SRD5A3: variants seen among roughly 807,000 people sequenced by gnomAD.
The protein encoded by SRD5A3 is steroid 5 alpha-reductase 3, also known as polyprenal reductase.
A neutral mutation model predicts 34.3 loss-of-function variants in SRD5A3; 24 were observed. The ratio of observed to expected loss-of-function variants is 0.70; its 90% CI spans 0.51 to 0.99. The LOEUF (loss-of-function observed/expected upper bound fraction) is 0.99, where lower values mean the gene tolerates loss of function less well. Among genes scored for constraint, SRD5A3 ranks in the 50% least tolerant of loss-of-function variants. The probability of loss-of-function intolerance (pLI) is 0.00; values close to 1 mark genes in which losing one functional copy is unlikely to be tolerated. For synonymous variants in SRD5A3, 161 were observed against 167.3 expected (o/e 0.96, Z 0.29); for missense variants, 350 against 388.2 (o/e 0.90, Z 0.83).
chr4:55,362,131 CT>C (rs11356354), intron 2 of SRD5A3, among the ~76,000 whole-genome samples: 3,522 of 142,522 alleles, frequency 0.025, 119 homozygotes, highest in African/African-American at 0.076. Flanking sequence ...TCTGTTTCTT[CT>C]TTTTTTTTTT....
chr4:55,358,463 G>A (rs1719553024), intron 1 of SRD5A3, among the ~76,000 whole-genome samples: 1 of 149,402 alleles, frequency 6.7e-6, no homozygotes, highest in East Asian at 2.0e-4. Flanking sequence ...TTGAGCCTGG[G>A]AGGTCAATGT....
At chr4:55,350,721 C>T (rs1193674882) in intron 1 of SRD5A3, among the ~76,000 whole-genome samples, 1 of 151,104 alleles carries the variant, frequency 6.6e-6, no homozygotes, top group African/African-American at 2.4e-5. Context: ...AAAACATATT[C>T]TTCCTGTCTG....
In SRD5A3 at chr4:55,367,682, G is replaced by A. The variant is rs368753880; in HGVS notation, c.657G>A (p.Lys219=). The change falls in exon 4 of 5, where the codon AAG becomes AAA. Residue 219 remains lysine, a synonymous_variant. Coordinates refer to ENST00000264228, the MANE Select transcript of SRD5A3 (RefSeq NM_024592.5). ...TCTGGTCATCTGCCCATCAGTATAA[G>A]TGCCATGTTATTCTCGGCAATCTCA... ...MFIWSSAHQY[K]CHVILGNLRK... 1 of 1,613,914 alleles carries A rather than the reference G, an allele frequency of 6.2e-7. No homozygotes were observed. Among genetic ancestry groups the A allele is most frequent in the Non-Finnish European group, 8.5e-7 (1 of 1,179,786 alleles).
chr4:55,368,755 T>G (rs1157853883), intron 4 of SRD5A3, among the ~76,000 whole-genome samples: 1 of 151,196 alleles, frequency 6.6e-6, no homozygotes, highest in Non-Finnish European at 1.5e-5. Flanking sequence ...TTATTTATTT[T>G]TGAGACAGAG....
chr4:55,364,617 GA>G, intron 3 of SRD5A3: 1 of 308,448 alleles, frequency 3.2e-6, no homozygotes, highest in Non-Finnish European at 6.3e-6. Flanking sequence ...TGGGGAGGCT[GA>G]GGCAGGAGAA....
At chr4:55,354,837 T>C (rs574646652) in intron 1 of SRD5A3, among the ~76,000 whole-genome samples, 19 of 152,340 alleles carry the variant, frequency 1.2e-4, no homozygotes, top group African/African-American at 4.3e-4. Context: ...CGTGCGCGCG[T>C]ACGCATGTGT....
chr4:55,358,463 G>C (rs1719553024), intron 1 of SRD5A3, among the ~76,000 whole-genome samples: 1 of 149,292 alleles, frequency 6.7e-6, no homozygotes. Flanking sequence ...TTGAGCCTGG[G>C]AGGTCAATGT....
chr4:55,346,657 C>T (rs1719010149), intron 1 of SRD5A3, 100 bp downstream of exon 1: 4 of 1,186,848 alleles, frequency 3.4e-6, no homozygotes, highest in African/African-American at 1.6e-5. Flanking sequence ...AGGCGGGACC[C>T]GGCCTGGGAG....
At position 55,346,535 on chromosome 4, in the gene SRD5A3, C is replaced by T. The variant is rs1465761137; in HGVS notation, c.199C>T (p.Arg67Ter). Residue 67 changes from arginine (R) to a stop codon, truncating the protein, a stop_gained, in exon 1 of 5, where the codon CGA becomes TGA. Coordinates refer to ENST00000264228, the MANE Select transcript of SRD5A3 (RefSeq NM_024592.5). LOFTEE classifies it high-confidence loss of function. Reference protein sequence around the residue: ...CGEPSRPAACRAFDVPKRYFS... With the variant: ...CGEPSRPAAC ...GGAGCCGTCGCGCCCCGCCGCCTGC[C>T]GAGCCTTTGATGTCCCCAAGAGGTA... is the stretch of plus-strand genomic sequence containing the variant. 2 of 1,597,420 alleles carry T rather than the reference C, an allele frequency of 1.3e-6. No individual in the cohort carries two copies. The highest frequency in any genetic ancestry group is 8.5e-7 in the Non-Finnish European group (1 of 1,173,146).
chr4:55,358,454 T>G (rs1719552863), intron 1 of SRD5A3, among the ~76,000 whole-genome samples: 1 of 149,398 alleles, frequency 6.7e-6, no homozygotes, highest in Non-Finnish European at 1.5e-5. Flanking sequence ...GAGGATCACT[T>G]GAGCCTGGGA....
rs530984590 is a variant in SRD5A3 at position 55,367,600 on chromosome 4, G to C, written c.575G>C (p.Gly192Ala). The change falls in exon 4 of 5, where the codon GGG (glycine) becomes GCG (alanine). Residue 192 changes from glycine to alanine, a missense_variant. Physicochemically the swap from Gly to Ala is moderately conservative, Grantham distance 60 (BLOSUM62 0). Transcript: ENST00000264228. ...CTCATTCCTATAGCCTACATAACAG[G>C]GAAAAATCTATTGATGCAAGCACGG... Reference protein sequence around the residue: ...PMDGRNAYITGKNLLMQARWF... With the variant: ...PMDGRNAYITAKNLLMQARWF... 2 of 1,614,020 alleles carry C rather than the reference G, an allele frequency of 1.2e-6. No individual in the cohort carries two copies. Among genetic ancestry groups the C allele is most frequent in the East Asian group, 4.5e-5 (2 of 44,874 alleles).
intron 2 of SRD5A3, among the ~76,000 whole-genome samples, chr4:55,363,093 C>T (rs113079344): frequency 0.021 from 3,219 of 151,840 alleles, 119 homozygotes; most frequent in African/African-American, 0.074. Flanking sequence ...GCAATCCACC[C>T]GCCTCCAACT....
chr4:55,366,916 G>A (rs1289125633), intron 3 of SRD5A3: 1 of 152,624 alleles, frequency 6.6e-6, no homozygotes, highest in Non-Finnish European at 1.5e-5. Context: ...AGTGGAAGAT[G>A]ATGCTTTGAG....
At chr4:55,365,542 T>G (rs1719856439) in intron 3 of SRD5A3, 2 of 152,302 alleles carry the variant, frequency 1.3e-5, no homozygotes, top group Admixed American at 1.3e-4. Context: ...GTTCTCCCCC[T>G]AAAGGAACTT....
chr4:55,348,502 T>C (rs1719077496), intron 1 of SRD5A3, among the ~76,000 whole-genome samples: 1 of 152,236 alleles, frequency 6.6e-6, no homozygotes, highest in Non-Finnish European at 1.5e-5. Flanking sequence ...CTCTGTATTT[T>C]CCAAAATGTC....
intron 3 of SRD5A3, among the ~76,000 whole-genome samples, chr4:55,365,152 G>A (rs183790575): frequency 3.3e-5 from 5 of 152,036 alleles, no homozygotes; most frequent in East Asian, 3.9e-4. Flanking sequence ...TCTAGACCCC[G>A]TAGGTCTGTA....
At chr4:55,359,069 G>C (rs1219621615) in intron 1 of SRD5A3, 1 of 421,176 alleles carries the variant, frequency 2.4e-6, no homozygotes, top group Non-Finnish European at 4.4e-6. Flanking sequence ...CAATCAGAGA[G>C]ATTGCTAACT....
Position 55,369,758 on chromosome 4 carries a change from G to A in SRD5A3, c.698-74G>A. 4.0e-6 allele frequency: 6 copies of A among 1,495,566 alleles called. No individual in the cohort carries two copies. In the South Asian group the frequency reaches 6.0e-5, roughly 15 times the overall value. 92.6% of individuals were successfully genotyped at this position (1,495,566 alleles called of 1,614,324 possible). ...AAAAAAAAAAAAAAATTCTGTAAAT[G>A]ATTTGCGAGTGAAGTGGTGAAACTT... On this transcript the variant is annotated intron_variant, in intron 4 of 4. Coordinates refer to ENST00000264228, the MANE Select transcript of SRD5A3 (RefSeq NM_024592.5).
At chr4:55,368,431 T>A (rs1411238845) in intron 4 of SRD5A3, among the ~76,000 whole-genome samples, 1 of 149,390 alleles carries the variant, frequency 6.7e-6, no homozygotes, top group East Asian at 2.0e-4. Context: ...TTTATTTATT[T>A]ATTTAATTTT....
Sources: gnomAD v4.1 joint callset for allele counts (sites outside exome capture counted in the v4.1 genomes callset) on GRCh38, gnomAD v4.1.1 for gene constraint, MANE v1.5 for transcripts, NCBI Gene and HGNC (gene_info 2026-07-23, HGNC 2026-07-21) for gene names.